Variants in ACTR3B observed in about 807,000 individuals in gnomAD.
The protein encoded by ACTR3B is actin related protein 3B, also known as actin-related protein 3B.
ACTR3B carries 8 observed loss-of-function variants against 59.0 expected under a neutral mutation model. That is an observed-to-expected ratio of 0.14 (90% confidence interval 0.08 to 0.24). The LOEUF (loss-of-function observed/expected upper bound fraction) is 0.24. ACTR3B is among the 10% of genes least tolerant of loss of function. The pLI is 1.00. For synonymous variants in ACTR3B, 148 were observed against 197.9 expected (o/e 0.75, Z 2.12); for missense variants, 245 against 552.3 (o/e 0.44, Z 5.58).
chr7:152,821,393 G>A (rs71537941), intron 7 of ACTR3B, among the ~76,000 whole-genome samples: 21,049 of 145,844 alleles, frequency 0.14, no homozygotes, highest in African/African-American at 0.26. Flanking sequence ...TTGGGAGGCT[G>A]AGGCTGGAGC....
intron 7 of ACTR3B, among the ~76,000 whole-genome samples, chr7:152,821,829 A>G (rs1796190193): frequency 6.6e-6 from 1 of 152,236 alleles, no homozygotes; most frequent in Admixed American, 6.5e-5. Flanking sequence ...GGCGTGGTTT[A>G]GAGCTCCCCC....
chr7:152,765,067 T>C (rs745911280), intron 1 of ACTR3B, among the ~76,000 whole-genome samples: 44 of 151,904 alleles, frequency 2.9e-4, no homozygotes, highest in Middle Eastern at 6.8e-3. Context: ...ATTTTACTTA[T>C]TTATTTTTAT....
chr7:152,851,763 G>A (rs1327274954), intron 9 of ACTR3B, among the ~76,000 whole-genome samples: 1 of 152,152 alleles, frequency 6.6e-6, no homozygotes, highest in African/African-American at 2.4e-5. Context: ...TGGTTAAGGC[G>A]GACCAGGGGA....
chr7:152,818,582 C>T (rs1795898159), intron 6 of ACTR3B, among the ~76,000 whole-genome samples: 1 of 152,136 alleles, frequency 6.6e-6, no homozygotes, highest in Non-Finnish European at 1.5e-5. Flanking sequence ...TCCTGAGTAG[C>T]TGGGATTACA....
intron 1 of ACTR3B, among the ~76,000 whole-genome samples, chr7:152,781,921 C>T (rs1398112619): frequency 6.6e-6 from 1 of 151,820 alleles, no homozygotes; most frequent in Non-Finnish European, 1.5e-5. Context: ...CCAGAAGCTC[C>T]TTGTAGGCCT....
chr7:152,797,704 C>G (rs1464256024), intron 2 of ACTR3B, among the ~76,000 whole-genome samples: 1 of 152,114 alleles, frequency 6.6e-6, no homozygotes, highest in Non-Finnish European at 1.5e-5. Context: ...CAGCCTCAGC[C>G]CCCTGTAACC....
intron 9 of ACTR3B, among the ~76,000 whole-genome samples, chr7:152,828,976 T>C (rs1490415898): frequency 1.3e-5 from 2 of 152,068 alleles, no homozygotes; most frequent in African/African-American, 4.8e-5. Context: ...AATATAATTT[T>C]TAATTTTTAT....
chr7:152,760,009 T>A, intron 1 of ACTR3B, 83 bp downstream of exon 1: 1 of 1,201,238 alleles, frequency 8.3e-7, no homozygotes, highest in Non-Finnish European at 1.1e-6. Flanking sequence ...GAGGTCGAGC[T>A]GCGTCCGTCG....
intron 5 of ACTR3B, among the ~76,000 whole-genome samples, chr7:152,815,910 T>TGG (rs1382088984): frequency 6.6e-6 from 1 of 152,110 alleles, no homozygotes; most frequent in African/African-American, 2.4e-5. Context: ...TCTTTTTCAC[T>TGG]GGCTTTTCTT....
chr7:152,851,286 T>C (rs994774164), intron 9 of ACTR3B, among the ~76,000 whole-genome samples: 1 of 152,242 alleles, frequency 6.6e-6, no homozygotes, highest in Non-Finnish European at 1.5e-5. Context: ...TTCTGTACCA[T>C]ACTCACCCTT....
intron 1 of ACTR3B, among the ~76,000 whole-genome samples, chr7:152,767,751 C>G (rs1487673673): frequency 6.6e-6 from 1 of 152,026 alleles, no homozygotes; most frequent in African/African-American, 2.4e-5. Context: ...ATGGTGCCTT[C>G]TCTTCCATTT....
chr7:152,822,531 G>A (rs1177985789), intron 7 of ACTR3B, among the ~76,000 whole-genome samples: 1 of 152,206 alleles, frequency 6.6e-6, no homozygotes, highest in Non-Finnish European at 1.5e-5. Flanking sequence ...CATCCTGGCG[G>A]CTTCAGTCCT....
intron 2 of ACTR3B, among the ~76,000 whole-genome samples, chr7:152,796,875 T>TG (rs1563102383): frequency 7.0e-4 from 73 of 104,380 alleles, no homozygotes; most frequent in African/African-American, 9.3e-4. Flanking sequence ...TTTTTTTTTT[T>TG]TTTTTTTTTT....
At chr7:152,821,837 C>G (rs904528155) in intron 7 of ACTR3B, among the ~76,000 whole-genome samples, 2 of 152,198 alleles carry the variant, frequency 1.3e-5, no homozygotes, top group Non-Finnish European at 2.9e-5. Context: ...TTAGAGCTCC[C>G]CCCGCTTCCC....
intron 2 of ACTR3B, among the ~76,000 whole-genome samples, chr7:152,789,997 C>CTTTTTTTTTTTTTTTTTTTTTTT (rs756068314): frequency 9.7e-6 from 1 of 102,842 alleles, no homozygotes; most frequent in Non-Finnish European, 1.8e-5. Flanking sequence ...TGTACTCTTT[C>CTTTTTTTTTTTTTTTTTTTTTTT]TTTTTTTTTT....
In ACTR3B at chr7:152,854,612, C is replaced by A; in HGVS notation, c.*59C>A. On this transcript the variant is annotated 3_prime_UTR_variant, in exon 12 of 12. Transcript: ENST00000256001. The surrounding 1 kb of genome is among the most constrained non-coding windows in gnomAD (Gnocchi z 4.9). ...GTTGGGGAACAAGTGTCCTTCAGAA[C>A]CCAGAGAAGGCCGCCGTTCTGTAAA... 6.4e-7 allele frequency: 1 copy of A among 1,554,728 alleles called. No individual in the cohort carries two copies.
intron 2 of ACTR3B, among the ~76,000 whole-genome samples, chr7:152,791,152 T>C (rs887577566): frequency 4.6e-5 from 7 of 151,976 alleles, no homozygotes; most frequent in African/African-American, 1.4e-4. Flanking sequence ...CTGGGATTAC[T>C]GACGTGTGCC....
At chr7:152,789,854 T>C (rs1395110142) in intron 2 of ACTR3B, among the ~76,000 whole-genome samples, 2 of 152,196 alleles carry the variant, frequency 1.3e-5, no homozygotes, top group Admixed American at 6.5e-5. Flanking sequence ...CTTTTTCAGA[T>C]TAAAACAGTG....
rs1273793034 is a variant in ACTR3B at position 152,854,613 on chromosome 7, C to A, written c.*60C>A. ...TTGGGGAACAAGTGTCCTTCAGAACCCAGAGAAGGCCGCCGTTCTGTAAAT... is the reference window on the plus strand; with the variant it reads ...TTGGGGAACAAGTGTCCTTCAGAACACAGAGAAGGCCGCCGTTCTGTAAAT... On this transcript the variant is annotated 3_prime_UTR_variant, in exon 12 of 12. Transcript: ENST00000256001. This position sits in a 1 kb window ranked among gnomAD's most constrained non-coding sequence, Gnocchi z 4.9. 27 of 1,537,870 alleles carry A rather than the reference C, an allele frequency of 1.8e-5. No homozygotes were observed. The highest frequency in any genetic ancestry group is 2.2e-5 in the Non-Finnish European group (25 of 1,113,808).
Sources: gnomAD v4.1 joint callset for allele counts (sites outside exome capture counted in the v4.1 genomes callset) on GRCh38, gnomAD v4.1.1 for gene constraint, Gnocchi (gnomAD v3.1) non-coding constraint, MANE v1.5 for transcripts, NCBI Gene and HGNC (gene_info 2026-07-23, HGNC 2026-07-21) for gene names.